Variants in NMNAT2 observed in about 807,000 individuals in gnomAD.
NMNAT2 encodes the protein nicotinamide nucleotide adenylyltransferase 2, also known as nicotinamide/nicotinic acid mononucleotide adenylyltransferase 2.
NMNAT2 carries 11 observed loss-of-function variants against 41.6 expected under a neutral mutation model. The ratio of observed to expected loss-of-function variants is 0.26; its 90% CI spans 0.17 to 0.44. NMNAT2 has a LOEUF of 0.44. NMNAT2 is among the 20% of genes least tolerant of loss of function. The probability of loss-of-function intolerance (pLI) is 1.00; values close to 1 mark genes in which losing one functional copy is unlikely to be tolerated. For synonymous variants in NMNAT2, 148 were observed against 151.2 expected (o/e 0.98, Z 0.16); for missense variants, 288 against 407.7 (o/e 0.71, Z 2.53).
intron 10 of NMNAT2, among the ~76,000 whole-genome samples, chr1:183,256,102 T>TA (rs1184147418): frequency 1.3e-5 from 2 of 151,926 alleles, no homozygotes; most frequent in Admixed American, 6.6e-5. Context: ...GTGGGTTTTT[T>TA]AAAAAAAATA....
intron 1 of NMNAT2, among the ~76,000 whole-genome samples, chr1:183,368,720 C>T (rs1294530728): frequency 2.6e-5 from 4 of 152,132 alleles, no homozygotes; most frequent in Non-Finnish European, 5.9e-5. Context: ...TTGGCAAGGC[C>T]GGTGAAAACA....
rs1265761339 is a variant in NMNAT2 at position 183,248,376 on chromosome 1, A to G, written c.*4265T>C. 6.6e-6 allele frequency: 1 copy of G among 152,650 alleles called. No homozygotes were observed. The highest frequency in any genetic ancestry group is 1.5e-5 in the Non-Finnish European group (1 of 68,046). 9.5% of individuals were successfully genotyped at this position (152,650 alleles called of 1,614,324 possible). A position where few individuals can be genotyped will look rare whatever the true frequency, so the allele number is the denominator to read the frequency against. On this transcript the variant is annotated 3_prime_UTR_variant, in exon 11 of 11. Coordinates refer to ENST00000287713, the MANE Select transcript of NMNAT2 (RefSeq NM_015039.4). ...TGCAACTTGAATATCATTTTTTATT[A>G]ATGAATTGATTTCCATAAAGCAAAT...
chr1:183,263,854 C>T (rs748881414), intron 8 of NMNAT2, among the ~76,000 whole-genome samples: 3 of 152,004 alleles, frequency 2.0e-5, no homozygotes, highest in Non-Finnish European at 4.4e-5. Context: ...GTTTGAGGGG[C>T]TGGGACTCAG....
chr1:183,282,686 C>T (rs1661301023), intron 7 of NMNAT2, among the ~76,000 whole-genome samples: 1 of 152,216 alleles, frequency 6.6e-6, no homozygotes, highest in Admixed American at 6.5e-5. Flanking sequence ...CCAGCCCAGG[C>T]ACCTTCCCTC....
intron 1 of NMNAT2, among the ~76,000 whole-genome samples, chr1:183,372,425 G>C (rs1026049797): frequency 1.3e-5 from 2 of 152,154 alleles, no homozygotes; most frequent in African/African-American, 4.8e-5. Context: ...CTGAGCAAGG[G>C]AGTGGAAGCA....
intron 8 of NMNAT2, among the ~76,000 whole-genome samples, chr1:183,265,824 G>A (rs983719999): frequency 6.6e-6 from 1 of 152,336 alleles, no homozygotes; most frequent in African/African-American, 2.4e-5. Context: ...AAGAGACTCT[G>A]CAGATATGAT....
intron 1 of NMNAT2, among the ~76,000 whole-genome samples, chr1:183,316,589 G>A (rs906970121): frequency 1.3e-5 from 2 of 152,100 alleles, no homozygotes; most frequent in Non-Finnish European, 2.9e-5. Flanking sequence ...CAGGCACCTC[G>A]GTCCCCTGAG....
chr1:183,270,040 C>T (rs1393104178), intron 8 of NMNAT2, among the ~76,000 whole-genome samples: 2 of 152,152 alleles, frequency 1.3e-5, no homozygotes, highest in Non-Finnish European at 2.9e-5. Context: ...CCCGCAACCA[C>T]GCCCGGCTAA....
At chr1:183,350,579 T>G (rs1332560195) in intron 1 of NMNAT2, among the ~76,000 whole-genome samples, 4 of 152,244 alleles carry the variant, frequency 2.6e-5, no homozygotes, top group Non-Finnish European at 5.9e-5. Context: ...TTATTAGGCT[T>G]GATCACAGTT....
intron 7 of NMNAT2, among the ~76,000 whole-genome samples, chr1:183,281,758 G>C (rs552905713): frequency 6.6e-6 from 1 of 152,352 alleles, no homozygotes; most frequent in East Asian, 1.9e-4. Context: ...TCAGCTGTTA[G>C]GAGCATGTAA....
intron 8 of NMNAT2, among the ~76,000 whole-genome samples, chr1:183,275,952 G>A (rs1369276069): frequency 6.6e-6 from 1 of 152,204 alleles, no homozygotes. Context: ...GATTACAGGT[G>A]TAATACGCAC....
chr1:183,403,782 A>G (rs1648882132), intron 1 of NMNAT2, among the ~76,000 whole-genome samples: 1 of 152,240 alleles, frequency 6.6e-6, no homozygotes, highest in Non-Finnish European at 1.5e-5. Flanking sequence ...ATTGCATGAC[A>G]ATACACATTG....
In NMNAT2 at chr1:183,251,907, G is replaced by A. The variant is rs201073992; in HGVS notation, c.*734C>T. On this transcript the variant is annotated 3_prime_UTR_variant, in exon 11 of 11. Coordinates refer to ENST00000287713, the MANE Select transcript of NMNAT2 (RefSeq NM_015039.4). Reference sequence around the variant, plus strand: ...CTGCTATATGTGTGTGTGTATGTGCGTGCGCGGGTGCACACGCATGTGTGC... The same window carrying A: ...CTGCTATATGTGTGTGTGTATGTGCATGCGCGGGTGCACACGCATGTGTGC... 1.3e-5 allele frequency: 2 copies of A among 158,026 alleles called. No individual in the cohort carries two copies. The highest frequency in any genetic ancestry group is 2.8e-5 in the Non-Finnish European group (2 of 70,886). The allele number at this position is 158,026 out of a possible 1,614,324, so 9.8% of individuals were successfully genotyped here. A position where few individuals can be genotyped will look rare whatever the true frequency, so the allele number is the denominator to read the frequency against.
intron 1 of NMNAT2, among the ~76,000 whole-genome samples, chr1:183,353,670 T>C (rs776779711): frequency 1.3e-5 from 2 of 152,080 alleles, no homozygotes; most frequent in Non-Finnish European, 2.9e-5. Flanking sequence ...AGACATGAAA[T>C]TGAAGAAATA....
intron 1 of NMNAT2, among the ~76,000 whole-genome samples, chr1:183,383,456 TC>T (rs1663846353): frequency 6.6e-6 from 1 of 152,256 alleles, no homozygotes; most frequent in Non-Finnish European, 1.5e-5. Context: ...AATGGGTTTT[TC>T]TTTTCTACCA....
chr1:183,411,700 G>A (rs746366359), intron 1 of NMNAT2, among the ~76,000 whole-genome samples: 4 of 152,240 alleles, frequency 2.6e-5, no homozygotes, highest in Admixed American at 1.3e-4. Context: ...CTCTGCTCTT[G>A]AGGAGCTCTA....
chr1:183,327,977 C>G (rs1048076110), intron 1 of NMNAT2, among the ~76,000 whole-genome samples: 15 of 152,110 alleles, frequency 9.9e-5, no homozygotes, highest in African/African-American at 3.4e-4. Flanking sequence ...AGCAGGTCTT[C>G]TGCCAAATCT....
chr1:183,334,183 C>T (rs987767207), intron 1 of NMNAT2, among the ~76,000 whole-genome samples: 2 of 152,190 alleles, frequency 1.3e-5, no homozygotes, highest in Non-Finnish European at 2.9e-5. Flanking sequence ...TCTCCTGCCT[C>T]ACTCTTCCGA....
intron 1 of NMNAT2, among the ~76,000 whole-genome samples, chr1:183,407,582 A>T (rs969791793): frequency 6.6e-6 from 1 of 152,168 alleles, no homozygotes; most frequent in Non-Finnish European, 1.5e-5. Context: ...ACCTTAGGAG[A>T]TACAAAAAAC....
Sources: gnomAD v4.1 joint callset for allele counts (sites outside exome capture counted in the v4.1 genomes callset) on GRCh38, gnomAD v4.1.1 for gene constraint, MANE v1.5 for transcripts, NCBI Gene and HGNC (gene_info 2026-07-23, HGNC 2026-07-21) for gene names.